Variants in NF2 observed in about 807,000 individuals in gnomAD.
The protein encoded by NF2 is merlin.
A neutral mutation model predicts 83.7 loss-of-function variants in NF2; 8 were observed. That is an observed-to-expected ratio of 0.10 (90% CI 0.06 to 0.17). The LOEUF (loss-of-function observed/expected upper bound fraction) is 0.17. Among genes scored for constraint, NF2 ranks in the 10% least tolerant of loss-of-function variants. The pLI is 1.00. For missense variants in NF2, 533 were observed against 744.4 expected, an observed-to-expected ratio of 0.72 and a Z score of 3.31; for synonymous variants, 266 against 269.6, an observed-to-expected ratio of 0.99 and a Z score of 0.13.
intron 15 of NF2, among the ~76,000 whole-genome samples, chr22:29,682,661 G>A (rs1353929834): frequency 6.6e-6 from 1 of 152,186 alleles, no homozygotes; most frequent in African/African-American, 2.4e-5. Context: ...ACAGTAAAGG[G>A]GAGTTCAAGG....
At chr22:29,678,468 A>G in intron 14 of NF2, 145 bp downstream of exon 14, 1 of 910,246 alleles carries the variant, frequency 1.1e-6, no homozygotes, top group Non-Finnish European at 1.8e-6. Context: ...TACACCCTGG[A>G]GGAAGAATTT....
At chr22:29,632,790 C>T (rs771201639) in intron 1 of NF2, among the ~76,000 whole-genome samples, 69 of 152,218 alleles carry the variant, frequency 4.5e-4, no homozygotes, top group South Asian at 1.5e-3. Flanking sequence ...CTGTGGGGAG[C>T]AGAAAGAGGA....
chr22:29,610,660 A>G (rs1476231373), intron 1 of NF2, among the ~76,000 whole-genome samples: 1 of 151,448 alleles, frequency 6.6e-6, no homozygotes, highest in African/African-American at 2.4e-5. Context: ...AAAAAAAAAG[A>G]AGAAAGAAAA....
chr22:29,604,225 A>T, intron 1 of NF2, 113 bp downstream of exon 1: 1 of 834,190 alleles, frequency 1.2e-6, no homozygotes, highest in Non-Finnish European at 2.0e-6. Context: ...CGGAAGGGCC[A>T]ACTAGGCCCA....
chr22:29,677,624 C>T (rs905781628), intron 13 of NF2, among the ~76,000 whole-genome samples: 4 of 152,208 alleles, frequency 2.6e-5, no homozygotes, highest in Non-Finnish European at 5.9e-5. Flanking sequence ...CACCCCACCT[C>T]TCCACACTGC....
At chr22:29,687,125 G>T (rs2067289417) in intron 15 of NF2, among the ~76,000 whole-genome samples, 1 of 152,210 alleles carries the variant, frequency 6.6e-6, no homozygotes, top group Admixed American at 6.5e-5. Context: ...TCCCGATCCT[G>T]AGCTGGTCTG....
At position 29,694,707 on chromosome 22, in the gene NF2, G is replaced by A; in HGVS notation, c.1738-45G>A. 1 of 1,602,742 alleles carries A rather than the reference G, an allele frequency of 6.2e-7. No homozygotes were observed. The highest frequency in any genetic ancestry group is 1.7e-5 in the Admixed American group (1 of 59,170). Reference sequence around the variant, plus strand: ...GCAGGACAGGACCCTGTGTGACAGAGCGGAGGTCTTGTGCCCTCTCAGCTT... The same window carrying A: ...GCAGGACAGGACCCTGTGTGACAGAACGGAGGTCTTGTGCCCTCTCAGCTT... On this transcript the variant is annotated intron_variant, in intron 15 of 15. Transcript: ENST00000338641. This position sits in a 1 kb window ranked among gnomAD's most constrained non-coding sequence, Gnocchi z 4.1.
chr22:29,622,977 G>A (rs1423620736), intron 1 of NF2, among the ~76,000 whole-genome samples: 3 of 76,378 alleles, frequency 3.9e-5, no homozygotes, highest in East Asian at 3.3e-4. Flanking sequence ...TTTTTTTTTC[G>A]AGATGGGGTC....
chr22:29,618,599 T>C (rs768720517), intron 1 of NF2, among the ~76,000 whole-genome samples: 1 of 152,228 alleles, frequency 6.6e-6, no homozygotes, highest in Non-Finnish European at 1.5e-5. Flanking sequence ...GCCAGGAGGC[T>C]AAACGGCTAT....
chr22:29,672,045 T>G, intron 11 of NF2, 97 bp downstream of exon 11: 1 of 1,546,612 alleles, frequency 6.5e-7, no homozygotes, highest in Non-Finnish European at 8.9e-7. Context: ...TAGCAGCGTT[T>G]GCTTTGAAAT....
intron 4 of NF2, among the ~76,000 whole-genome samples, chr22:29,648,890 C>T (rs1456711609): frequency 6.6e-6 from 1 of 152,106 alleles, no homozygotes; most frequent in East Asian, 1.9e-4. Context: ...GCACCTGACC[C>T]CAGCTCATTT....
chr22:29,673,574 G>C, intron 12 of NF2, 88 bp downstream of exon 12: 2 of 1,405,556 alleles, frequency 1.4e-6, no homozygotes, highest in South Asian at 2.5e-5. Context: ...TACAGCAGTT[G>C]TCCTCAAGCT....
At chr22:29,603,558 C>T, upstream of NF2, 1 of 385,392 alleles carries the variant, frequency 2.6e-6, no homozygotes, top group Admixed American at 4.5e-5. Context: ...GGGGAGGGTG[C>T]GCTTCCCGCG....
chr22:29,683,442 T>C (rs2067199660), intron 15 of NF2: 1 of 1,249,538 alleles, frequency 8.0e-7, no homozygotes, highest in Non-Finnish European at 1.0e-6. Flanking sequence ...ATCTGGGCAC[T>C]TTGGAGACTG....
chr22:29,683,902 A>G, intron 15 of NF2: 1 of 1,042,482 alleles, frequency 9.6e-7, no homozygotes, highest in African/African-American at 1.7e-5. Flanking sequence ...TAATAAAATG[A>G]CATCCTGCCT....
At chr22:29,618,535 A>C (rs1396338957) in intron 1 of NF2, among the ~76,000 whole-genome samples, 1 of 152,200 alleles carries the variant, frequency 6.6e-6, no homozygotes, top group Non-Finnish European at 1.5e-5. Flanking sequence ...AGATTTTTCC[A>C]CTTGAAAGAT....
At chr22:29,624,821 C>CTT (rs2065308263) in intron 1 of NF2, among the ~76,000 whole-genome samples, 1 of 134,762 alleles carries the variant, frequency 7.4e-6, no homozygotes, top group African/African-American at 2.8e-5. Context: ...TTCTTTCTTT[C>CTT]TTTCTTTCTT....
At chr22:29,622,646 ATTT>A (rs35744962) in intron 1 of NF2, among the ~76,000 whole-genome samples, 214 of 63,242 alleles carry the variant, frequency 3.4e-3, no homozygotes, top group Non-Finnish European at 5.1e-3. Flanking sequence ...AAGACCCTGT[ATTT>A]TTTTTTTTTT....
chr22:29,665,329 C>T (rs547201418), intron 9 of NF2, among the ~76,000 whole-genome samples: 12 of 152,020 alleles, frequency 7.9e-5, no homozygotes, highest in African/African-American at 2.7e-4. Context: ...CTGCAACGTC[C>T]GCCTCCCAGA....
Sources: gnomAD v4.1 joint callset for allele counts (sites outside exome capture counted in the v4.1 genomes callset) on GRCh38, gnomAD v4.1.1 for gene constraint, Gnocchi (gnomAD v3.1) non-coding constraint, MANE v1.5 for transcripts, NCBI Gene and HGNC (gene_info 2026-07-23, HGNC 2026-07-21) for gene names.